Variants in TBC1D22A observed in about 807,000 individuals in gnomAD.
TBC1D22A encodes TBC1 domain family member 22A, also known as putative GTPase activator.
In TBC1D22A, 38 loss-of-function variants were observed where a neutral mutation model predicts 60.2. The ratio of observed to expected loss-of-function variants is 0.63; its 90% CI spans 0.49 to 0.83. TBC1D22A has a LOEUF of 0.83. Among genes scored for constraint, TBC1D22A ranks in the 40% least tolerant of loss-of-function variants. The pLI, the probability that TBC1D22A is intolerant of heterozygous loss-of-function variation, is 0.00. For synonymous variants in TBC1D22A, 302 were observed against 281.7 expected, an observed-to-expected ratio of 1.07 and a Z score of -0.72; for missense variants, 628 against 701.0, an observed-to-expected ratio of 0.90 and a Z score of 1.18.
At chr22:46,957,997 G>T (rs953919426) in intron 8 of TBC1D22A, among the ~76,000 whole-genome samples, 1 of 151,992 alleles carries the variant, frequency 6.6e-6, no homozygotes, top group South Asian at 2.1e-4. Flanking sequence ...AGAGCACCCT[G>T]CATCTCCTGC....
At chr22:47,031,325 C>T (rs1488331930) in intron 10 of TBC1D22A, among the ~76,000 whole-genome samples, 1 of 152,170 alleles carries the variant, frequency 6.6e-6, no homozygotes, top group Non-Finnish European at 1.5e-5. Context: ...GCTGCTGAGC[C>T]CCCGGCGGGC....
At chr22:46,847,914 A>AGTGGGTGT (rs1287609204) in intron 4 of TBC1D22A, among the ~76,000 whole-genome samples, 7 of 126,572 alleles carry the variant, frequency 5.5e-5, no homozygotes, top group African/African-American at 2.5e-4. Context: ...AAGGTACCCT[A>AGTGGGTGT]GTGGGTGTGT....
chr22:46,944,002 G>C (rs2072349657), intron 8 of TBC1D22A, among the ~76,000 whole-genome samples: 1 of 152,222 alleles, frequency 6.6e-6, no homozygotes, highest in Admixed American at 6.5e-5. Flanking sequence ...GAACAGTGCT[G>C]CTGTAAGCAT....
intron 11 of TBC1D22A, among the ~76,000 whole-genome samples, chr22:47,054,986 C>T (rs1029238469): frequency 2.6e-5 from 4 of 152,234 alleles, no homozygotes; most frequent in African/African-American, 7.2e-5. Context: ...GTCCTGACCA[C>T]CCCTGCGCAG....
chr22:46,974,758 C>T (rs2074225329), intron 9 of TBC1D22A, among the ~76,000 whole-genome samples: 1 of 152,190 alleles, frequency 6.6e-6, no homozygotes, highest in Non-Finnish European at 1.5e-5. Context: ...CCTTAAAGGG[C>T]CTCAGATCGG....
intron 4 of TBC1D22A, among the ~76,000 whole-genome samples, chr22:46,865,234 C>G (rs1426650874): frequency 6.6e-6 from 1 of 152,218 alleles, no homozygotes; most frequent in Non-Finnish European, 1.5e-5. Flanking sequence ...CATCTCCACC[C>G]TCTGGATGGG....
intron 10 of TBC1D22A, among the ~76,000 whole-genome samples, chr22:47,031,979 C>G (rs131952): frequency 0.24 from 36,062 of 152,114 alleles, 4,600 homozygotes; most frequent in East Asian, 0.3. Flanking sequence ...GACAGGTGTT[C>G]CAGAAATATG....
At chr22:46,824,462 A>T (rs2085962333) in intron 4 of TBC1D22A, among the ~76,000 whole-genome samples, 2 of 152,164 alleles carry the variant, frequency 1.3e-5, no homozygotes, top group South Asian at 4.1e-4. Context: ...AGTGAAGTGA[A>T]GGTGGAGCTT....
At position 46,974,299 on chromosome 22, in the gene TBC1D22A, A is replaced by T. The variant is rs149810185; in HGVS notation, c.1025A>T (p.Glu342Val). The T allele has an allele frequency of 5.3e-5, 85 of 1,597,090 alleles. No individual in the cohort carries two copies. The African/African-American group carries it at 1.0e-3, about 20-fold the overall frequency. ...GCTCGGCGCCGCCCAGAGGCAGAGG[A>T]GGTGGACACGGTGGACGTCTCCGGC... The part of the protein sequence containing the change: ...VFICEYIEAE[E>V]VDTVDVSGVP... The change falls in exon 9 of 13, where the codon GAG becomes GTG. Residue 342 changes from glutamate (E) to valine (V), a missense_variant. Coordinates refer to ENST00000337137, the MANE Select transcript of TBC1D22A (RefSeq NM_014346.5).
At chr22:47,085,276 T>C (rs552106281) in intron 11 of TBC1D22A, among the ~76,000 whole-genome samples, 127 of 152,346 alleles carry the variant, frequency 8.3e-4, no homozygotes, top group Non-Finnish European at 4.4e-5. Context: ...CAAGACTCTG[T>C]CTTATAAATA....
At chr22:47,150,548 C>G (rs2067463620) in intron 12 of TBC1D22A, among the ~76,000 whole-genome samples, 1 of 152,186 alleles carries the variant, frequency 6.6e-6, no homozygotes, top group African/African-American at 2.4e-5. Flanking sequence ...GTCCCTGTGC[C>G]ACGGTACTTC....
At position 47,094,169 on chromosome 22, in the gene TBC1D22A, C is replaced by T. The variant is rs2065084104; in HGVS notation, c.1330-17339C>T. Among the ~76,000 whole-genome samples, 4 of 152,176 alleles carry T rather than the reference C, an allele frequency of 2.6e-5. No individual in the cohort carries two copies. In the South Asian group the frequency reaches 8.3e-4, roughly 32 times the overall value. The stretch of plus-strand genomic sequence containing the variant: ...TTGTCCGGATCTGGTGAGTTTCAGT[C>T]CTTTGATACTTTTTGAGAAGCTGGC... On this transcript the variant is annotated intron_variant, in intron 11 of 12. Coordinates refer to ENST00000337137, the MANE Select transcript of TBC1D22A (RefSeq NM_014346.5).
At position 46,995,115 on chromosome 22, in the gene TBC1D22A, C is replaced by T. The variant is rs146852942; in HGVS notation, c.1126-2519C>T. On this transcript the variant is annotated intron_variant, in intron 9 of 12. Coordinates refer to ENST00000337137, the MANE Select transcript of TBC1D22A (RefSeq NM_014346.5). ...TTGGACAGCCAAATTCAGGAGGCCT[C>T]CAAGCTTCTCCCTGAATCAGCCCAC... is the stretch of plus-strand genomic sequence containing the variant. Among the ~76,000 whole-genome samples, 877 of 152,310 alleles carry T rather than the reference C, an allele frequency of 5.8e-3. 14 individuals are homozygous for T. The highest frequency in any genetic ancestry group is 0.024 in the Admixed American group (372 of 15,306).
chr22:46,929,872 G>A (rs940783034), intron 8 of TBC1D22A, among the ~76,000 whole-genome samples: 24 of 152,114 alleles, frequency 1.6e-4, no homozygotes, highest in Admixed American at 5.9e-4. Flanking sequence ...CCCTGGACCT[G>A]GTGTGCTGGG....
chr22:46,853,480 A>T (rs1182033876), intron 4 of TBC1D22A, among the ~76,000 whole-genome samples: 1 of 151,636 alleles, frequency 6.6e-6, no homozygotes, highest in African/African-American at 2.4e-5. Context: ...GCTGGCCTTG[A>T]CTCTTTCGGG....
intron 8 of TBC1D22A, among the ~76,000 whole-genome samples, chr22:46,963,195 C>T (rs559352741): frequency 2.0e-5 from 3 of 150,038 alleles, no homozygotes; most frequent in Admixed American, 6.6e-5. Flanking sequence ...CGCACTATAG[C>T]CCGGGTGACA....
rs570160952 is a variant in TBC1D22A at position 46,943,119 on chromosome 22, A to G, written c.1015+30931A>G. 4.6e-5 allele frequency among the ~76,000 whole-genome samples: 7 copies of G among 152,086 alleles called. No homozygotes were observed. The South Asian group carries it at 1.5e-3, about 32-fold the overall frequency. On this transcript the variant is annotated intron_variant, in intron 8 of 12. Coordinates refer to ENST00000337137, the MANE Select transcript of TBC1D22A (RefSeq NM_014346.5). ...GTGCAAAAGAATTATGAAGGAGGAG[A>G]GAGCTAATTGCAATTAATGTAATTA...
chr22:46,844,896 A>G (rs1350553959), intron 4 of TBC1D22A, among the ~76,000 whole-genome samples: 4 of 152,130 alleles, frequency 2.6e-5, no homozygotes, highest in Admixed American at 6.5e-5. Context: ...TCATGCCAGC[A>G]AGTATTGCCT....
intron 12 of TBC1D22A, among the ~76,000 whole-genome samples, chr22:47,118,052 G>A (rs926798545): frequency 3.9e-5 from 6 of 152,164 alleles, no homozygotes; most frequent in African/African-American, 1.2e-4. Context: ...GAACCTGGGA[G>A]GCTGAGGTTG....
Sources: allele counts gnomAD v4.1 joint callset (sites outside exome capture counted in the v4.1 genomes callset), GRCh38; gene constraint gnomAD v4.1.1; transcripts MANE v1.5; gene names NCBI Gene and HGNC (gene_info 2026-07-23, HGNC 2026-07-21).